BCAP29: variants seen among roughly 807,000 people sequenced by gnomAD.
BCAP29 encodes B-cell receptor-associated protein 29.
In BCAP29, 34 loss-of-function variants were observed where a neutral mutation model predicts 31.8. That is an observed-to-expected ratio of 1.07 (90% CI 0.81 to 1.42). The LOEUF is 1.42. BCAP29 is among the 40% of genes most tolerant of loss of function. The probability of loss-of-function intolerance (pLI) is 0.00; values close to 1 mark genes in which losing one functional copy is unlikely to be tolerated. For missense variants in BCAP29, 314 were observed against 269.2 expected (o/e 1.17, Z -1.16); for synonymous variants, 104 against 91.3 (o/e 1.14, Z -0.79).
chr7:107,615,432 T>C lies in BCAP29; in HGVS notation c.690+2000T>C, dbSNP rs1015360315. 1.2e-4 allele frequency: 49 copies of C among 394,072 alleles called. No individual in the cohort carries two copies. In the Admixed American group the frequency reaches 1.5e-3, roughly 12 times the overall value. 24.4% of individuals were successfully genotyped at this position (394,072 alleles called of 1,614,324 possible). ...TAACAAGGTGAAACCCTGTCTCTAC[T>C]AAAAATACAAAAAATTAGCCGGGCA... On this transcript the variant is annotated intron_variant, in intron 7 of 7. Coordinates refer to ENST00000005259, the MANE Select transcript of BCAP29 (RefSeq NM_018844.4).
intron 5 of BCAP29, chr7:107,600,194 A>G (rs1189366915): frequency 1.7e-6 from 1 of 595,982 alleles, no homozygotes; most frequent in South Asian, 1.7e-5. Context: ...ATTTTGCCAT[A>G]ATAGGAAATC....
chr7:107,595,802 T>C, intron 4 of BCAP29, 65 bp from the exon 5 acceptor site: 1 of 1,536,442 alleles, frequency 6.5e-7, no homozygotes, highest in Non-Finnish European at 8.8e-7. Context: ...AATTTGGCAA[T>C]GACTGTTTTA....
chr7:107,613,530 G>A (rs1244641518), intron 7 of BCAP29, 98 bp downstream of exon 7: 1 of 1,308,794 alleles, frequency 7.6e-7, no homozygotes, highest in Non-Finnish European at 1.1e-6. Context: ...TCAAGATGAT[G>A]TACTTAATCC....
chr7:107,612,425 A>T lies in BCAP29; in HGVS notation c.590-907A>T, dbSNP rs1211423378. On this transcript the variant is annotated intron_variant, in intron 6 of 7. Transcript: ENST00000005259. ...TATATATATATATATATATATATAT[A>T]TATATATATATATATTTATTTTACT... 4.0e-3 allele frequency among the ~76,000 whole-genome samples: 134 copies of T among 33,516 alleles called. 5 individuals are homozygous for T. The highest frequency in any genetic ancestry group is 9.8e-3 in the African/African-American group (114 of 11,628). The allele number at this position is 33,516 out of a possible 152,430, so 22.0% of individuals were successfully genotyped here.
At chr7:107,599,284 T>TTTATATATATATTTATATATA (rs1223153565) in intron 5 of BCAP29, among the ~76,000 whole-genome samples, 13 of 19,962 alleles carry the variant, frequency 6.5e-4, no homozygotes, top group African/African-American at 3.9e-3. Flanking sequence ...ATATATAATT[T>TTTATATATATATTTATATATA]TTATATATAA....
intron 2 of BCAP29, among the ~76,000 whole-genome samples, chr7:107,582,645 A>AT (rs1806913242): frequency 6.6e-6 from 1 of 152,148 alleles, no homozygotes; most frequent in Non-Finnish European, 1.5e-5. Context: ...AGTTGTTGTA[A>AT]TTAAATGAGA....
chr7:107,604,133 A>G (rs1811663240), intron 6 of BCAP29, among the ~76,000 whole-genome samples: 1 of 152,208 alleles, frequency 6.6e-6, no homozygotes, highest in South Asian at 2.1e-4. Context: ...ACCAGGAAAC[A>G]GAACCCTTAG....
At chr7:107,590,690 A>G (rs774606335) in intron 3 of BCAP29, among the ~76,000 whole-genome samples, 3 of 151,914 alleles carry the variant, frequency 2.0e-5, no homozygotes, top group Non-Finnish European at 4.4e-5. Context: ...ATGGTGGCTC[A>G]TGCTTGTAGT....
At chr7:107,617,337 A>T (rs1814369483) in intron 7 of BCAP29, among the ~76,000 whole-genome samples, 1 of 152,184 alleles carries the variant, frequency 6.6e-6, no homozygotes, top group African/African-American at 2.4e-5. Context: ...CTGTAAATAG[A>T]TCCCAATTTG....
chr7:107,613,302 A>G, intron 6 of BCAP29, 30 bp from the exon 7 acceptor site: 1 of 1,509,908 alleles, frequency 6.6e-7, no homozygotes, highest in South Asian at 1.2e-5. Context: ...TTATTCTGAA[A>G]TAAAAATAAA....
At chr7:107,582,929 C>A (rs548466898) in intron 2 of BCAP29, among the ~76,000 whole-genome samples, 12 of 152,192 alleles carry the variant, frequency 7.9e-5, no homozygotes, top group Admixed American at 5.9e-4. Flanking sequence ...ACAAAATGAA[C>A]CGATTCATCT....
intron 6 of BCAP29, among the ~76,000 whole-genome samples, chr7:107,603,147 T>C (rs769894455): frequency 5.9e-5 from 9 of 151,822 alleles, no homozygotes; most frequent in Non-Finnish European, 1.2e-4. Context: ...TTTTTTTGTA[T>C]TTTTAGTAGA....
chr7:107,610,380 T>C (rs995662823), intron 6 of BCAP29, among the ~76,000 whole-genome samples: 3 of 152,230 alleles, frequency 2.0e-5, no homozygotes, highest in Non-Finnish European at 4.4e-5. Context: ...AATATTTTTC[T>C]TATATATGCT....
chr7:107,587,566 G>C (rs1807929520), intron 3 of BCAP29: 1 of 151,974 alleles, frequency 6.6e-6, no homozygotes, highest in African/African-American at 2.4e-5. Flanking sequence ...GTAGTGGTTG[G>C]CATGCTCTTA....
intron 4 of BCAP29, among the ~76,000 whole-genome samples, chr7:107,594,463 C>CAGGCACA (rs71134270): frequency 0.76 from 115,631 of 151,594 alleles, 44,672 homozygotes; most frequent in African/African-American, 0.9. Context: ...ACGGAGATTA[C>CAGGCACA]AGTCACTGTA....
At chr7:107,606,715 A>G (rs1025695137) in intron 6 of BCAP29, among the ~76,000 whole-genome samples, 3 of 152,246 alleles carry the variant, frequency 2.0e-5, no homozygotes, top group African/African-American at 4.8e-5. Context: ...AACATTTATT[A>G]GAACTATTGA....
intron 3 of BCAP29, among the ~76,000 whole-genome samples, chr7:107,585,390 T>C (rs1807462560): frequency 6.6e-6 from 1 of 152,238 alleles, no homozygotes; most frequent in Admixed American, 6.5e-5. Flanking sequence ...ATTTGTCTCA[T>C]GGTACATTAT....
chr7:107,583,986 A>G lies in BCAP29; in HGVS notation c.193+4A>G. The G allele has an allele frequency of 6.8e-7, 1 of 1,463,290 alleles. No homozygotes were observed. Among genetic ancestry groups the G allele is most frequent in the Non-Finnish European group, 9.4e-7 (1 of 1,066,154 alleles). 90.6% of individuals were successfully genotyped at this position (1,463,290 alleles called of 1,614,324 possible). ...CTATTGATTGTTCTATTTCTAGGTA[A>G]GTACTAGATCCCTTCTTTGAATAAA... On this transcript the variant is annotated splice_donor_region_variant and intron_variant, in intron 3 of 7. Coordinates refer to ENST00000005259, the MANE Select transcript of BCAP29 (RefSeq NM_018844.4).
At chr7:107,589,122 AAATC>A (rs1808243169) in intron 3 of BCAP29, among the ~76,000 whole-genome samples, 1 of 152,200 alleles carries the variant, frequency 6.6e-6, no homozygotes, top group Non-Finnish European at 1.5e-5. Context: ...AAAAGTATAA[AAATC>A]AAGCCTCTCT....
Sources: allele counts gnomAD v4.1 joint callset (sites outside exome capture counted in the v4.1 genomes callset), GRCh38; gene constraint gnomAD v4.1.1; transcripts MANE v1.5; gene names NCBI Gene and HGNC (gene_info 2026-07-23, HGNC 2026-07-21).